Variants in KLHL7 observed in about 807,000 individuals in gnomAD.
KLHL7 encodes kelch-like protein 7.
Under a neutral mutation model 67.4 loss-of-function variants are expected in KLHL7, and 44 were observed. The observed-to-expected ratio is 0.65, with a 90% CI of 0.51 to 0.84. The LOEUF is 0.84. Ranked by LOEUF, KLHL7 falls within the 40% of genes least tolerant of loss-of-function variation. The probability of loss-of-function intolerance (pLI) is 0.00; values close to 1 mark genes in which losing one functional copy is unlikely to be tolerated. For missense variants in KLHL7, 362 were observed against 718.1 expected (o/e 0.50, Z 5.67); for synonymous variants, 252 against 243.3 (o/e 1.04, Z -0.33).
intron 1 of KLHL7, among the ~76,000 whole-genome samples, chr7:23,115,816 T>G (rs891453026): frequency 1.3e-5 from 2 of 152,178 alleles, no homozygotes; most frequent in Non-Finnish European, 2.9e-5. Flanking sequence ...GTGCTGGGAT[T>G]ACAGGAGTGA....
intron 4 of KLHL7, among the ~76,000 whole-genome samples, chr7:23,126,530 C>A (rs1783579772): frequency 6.6e-6 from 1 of 151,966 alleles, no homozygotes; most frequent in East Asian, 1.9e-4. Flanking sequence ...GATATTTGAC[C>A]CAGGAGAAAA....
At chr7:23,109,506 A>G (rs1782778776) in intron 1 of KLHL7, among the ~76,000 whole-genome samples, 1 of 152,230 alleles carries the variant, frequency 6.6e-6, no homozygotes, top group Non-Finnish European at 1.5e-5. Context: ...CATTAAATGA[A>G]TTAAAGCATA....
intron 9 of KLHL7, among the ~76,000 whole-genome samples, chr7:23,171,749 G>A (rs1184563082): frequency 6.6e-6 from 1 of 152,182 alleles, no homozygotes; most frequent in Non-Finnish European, 1.5e-5. Context: ...TGCCTCTGTC[G>A]CCCAGGCTGC....
chr7:23,170,756 T>G (rs1785133100), intron 9 of KLHL7, among the ~76,000 whole-genome samples: 1 of 152,170 alleles, frequency 6.6e-6, no homozygotes, highest in Non-Finnish European at 1.5e-5. Context: ...CATAAAAATA[T>G]GTACATGTAT....
intron 6 of KLHL7, among the ~76,000 whole-genome samples, chr7:23,145,958 C>T (rs2128465495): frequency 6.6e-6 from 1 of 152,282 alleles, no homozygotes; most frequent in Non-Finnish European, 1.5e-5. Flanking sequence ...TCTCAAACTT[C>T]TGGGCTCAAG....
At chr7:23,166,436 T>C (rs1039796531) in intron 8 of KLHL7, among the ~76,000 whole-genome samples, 2 of 152,196 alleles carry the variant, frequency 1.3e-5, no homozygotes, top group Non-Finnish European at 1.5e-5. Flanking sequence ...GGTGTGGATA[T>C]AAAAACCTTA....
At chr7:23,141,585 G>A (rs1784182440) in intron 5 of KLHL7, among the ~76,000 whole-genome samples, 1 of 151,838 alleles carries the variant, frequency 6.6e-6, no homozygotes, top group Admixed American at 6.5e-5. Context: ...TCATTTGGGA[G>A]CTGGGTGGGA....
At chr7:23,124,100 A>C (rs562071586) in intron 2 of KLHL7, among the ~76,000 whole-genome samples, 5 of 143,504 alleles carry the variant, frequency 3.5e-5, no homozygotes, top group Non-Finnish European at 7.5e-5. Flanking sequence ...TACAGCTTCT[A>C]CTTAAAAGCC....
At chr7:23,113,740 C>G (rs1338340472) in intron 1 of KLHL7, among the ~76,000 whole-genome samples, 1 of 152,084 alleles carries the variant, frequency 6.6e-6, no homozygotes, top group Non-Finnish European at 1.5e-5. Context: ...GCATGAGAAT[C>G]GATTGAACCC....
chr7:23,112,933 G>C (rs1288320049), intron 1 of KLHL7, among the ~76,000 whole-genome samples: 1 of 152,096 alleles, frequency 6.6e-6, no homozygotes, highest in Non-Finnish European at 1.5e-5. Flanking sequence ...AGATGTAGAG[G>C]TTGGATATAT....
intron 7 of KLHL7, among the ~76,000 whole-genome samples, chr7:23,155,599 G>A (rs545502506): frequency 6.6e-6 from 1 of 151,788 alleles, no homozygotes; most frequent in East Asian, 1.9e-4. Context: ...GAGAGGTGGA[G>A]GTTGCAGTGA....
At chr7:23,172,209 A>T (rs1392598456) in intron 9 of KLHL7, 1 of 455,986 alleles carries the variant, frequency 2.2e-6, no homozygotes, top group South Asian at 1.6e-5. Flanking sequence ...AGAAGAATGT[A>T]TTAAATCTCA....
Position 23,166,283 on chromosome 7 carries a change from G to A in KLHL7, c.1177+345G>A, listed in dbSNP as rs1480787895. On this transcript the variant is annotated intron_variant, in intron 8 of 10. Coordinates refer to ENST00000339077, the MANE Select transcript of KLHL7 (RefSeq NM_001031710.3). Reference sequence around the variant, plus strand: ...CAACTTATAGACTCTTTAAGAACTCGTTACTATATTCAGGCTTTTAAAATT... The same window carrying A: ...CAACTTATAGACTCTTTAAGAACTCATTACTATATTCAGGCTTTTAAAATT... 3.9e-5 allele frequency among the ~76,000 whole-genome samples: 6 copies of A among 152,016 alleles called. No individual in the cohort carries two copies. The South Asian group carries it at 6.2e-4, about 16-fold the overall frequency.
At chr7:23,162,122 C>A (rs1187579769) in intron 7 of KLHL7, among the ~76,000 whole-genome samples, 1 of 152,178 alleles carries the variant, frequency 6.6e-6, no homozygotes, top group Non-Finnish European at 1.5e-5. Flanking sequence ...CACTCTACTC[C>A]CAGTCCTTTG....
In KLHL7 at chr7:23,106,383, G is replaced by C. The variant is rs1193936233; in HGVS notation, c.120+237G>C. 57 of 1,362,854 alleles carry C rather than the reference G, an allele frequency of 4.2e-5. 1 individual carries two copies. The South Asian group carries it at 8.1e-4, about 19-fold the overall frequency. The allele number at this position is 1,362,854 out of a possible 1,614,324, so 84.4% of individuals were successfully genotyped here. ...TGTAGCTCCCAAGTCAGACTCCTGG[G>C]GGACTCCTCAGGCTGGCTTTCGCCG... On this transcript the variant is annotated intron_variant, in intron 1 of 10. Transcript: ENST00000339077.
chr7:23,129,539 A>C (rs1002629897), intron 4 of KLHL7: 1 of 232,152 alleles, frequency 4.3e-6, no homozygotes, highest in Admixed American at 5.2e-5. Context: ...TTTAAACAAC[A>C]CTTCACTGCT....
At chr7:23,172,192 T>G (rs896298791) in intron 9 of KLHL7, 2 of 456,242 alleles carry the variant, frequency 4.4e-6, no homozygotes, top group Non-Finnish European at 8.8e-6. Context: ...GTCTTGGGAG[T>G]GTATGCAGAA....
At chr7:23,157,163 A>G (rs1784732101) in intron 7 of KLHL7, among the ~76,000 whole-genome samples, 1 of 152,224 alleles carries the variant, frequency 6.6e-6, no homozygotes, top group Non-Finnish European at 1.5e-5. Flanking sequence ...ATGGTGTTAC[A>G]TCACAAAAAA....
intron 1 of KLHL7, among the ~76,000 whole-genome samples, chr7:23,115,522 A>G (rs1395647929): frequency 6.6e-6 from 1 of 151,940 alleles, no homozygotes; most frequent in Non-Finnish European, 1.5e-5. Flanking sequence ...CTTCTCTGGC[A>G]TAGGACTCAT....
Sources: gnomAD v4.1 joint callset for allele counts (sites outside exome capture counted in the v4.1 genomes callset) on GRCh38, gnomAD v4.1.1 for gene constraint, MANE v1.5 for transcripts, NCBI Gene and HGNC (gene_info 2026-07-23, HGNC 2026-07-21) for gene names.